The following SND1 variants were observed in gnomAD, a reference collection of about 807,000 sequenced individuals.
SND1 encodes the protein staphylococcal nuclease domain-containing protein 1.
Under a neutral mutation model 121.7 loss-of-function variants are expected in SND1, and 38 were observed. The ratio of observed to expected loss-of-function variants is 0.31; its 90% CI spans 0.24 to 0.41. The LOEUF is 0.41. Among genes scored for constraint, SND1 ranks in the 10% least tolerant of loss-of-function variants. The pLI is 1.00. For missense variants in SND1, 868 were observed against 1,184.6 expected, an observed-to-expected ratio of 0.73 and a Z score of 3.92; for synonymous variants, 401 against 447.4, an observed-to-expected ratio of 0.90 and a Z score of 1.31.
chr7:128,063,109 C>T (rs992315287), intron 16 of SND1, among the ~76,000 whole-genome samples: 1 of 152,184 alleles, frequency 6.6e-6, no homozygotes, highest in East Asian at 1.9e-4. Context: ...TGCTCAACGT[C>T]GTTAGCTCAT....
At chr7:127,995,014 C>T (rs982113246) in intron 16 of SND1, among the ~76,000 whole-genome samples, 3 of 152,108 alleles carry the variant, frequency 2.0e-5, no homozygotes, top group Non-Finnish European at 2.9e-5. Flanking sequence ...GAGCCAACCG[C>T]GCCTGGCCTG....
chr7:127,977,201 T>A (rs1383898758), intron 15 of SND1, among the ~76,000 whole-genome samples: 1 of 152,202 alleles, frequency 6.6e-6, no homozygotes, highest in East Asian at 1.9e-4. Flanking sequence ...TTTAATTAAA[T>A]CAACTAGAAA....
intron 15 of SND1, among the ~76,000 whole-genome samples, chr7:127,980,934 A>G (rs1208169285): frequency 6.6e-6 from 1 of 152,228 alleles, no homozygotes; most frequent in African/African-American, 2.4e-5. Flanking sequence ...AAGACCAAGA[A>G]TAGGAACCTT....
chr7:127,861,744 T>A (rs983522842), intron 12 of SND1, among the ~76,000 whole-genome samples: 55 of 152,222 alleles, frequency 3.6e-4, no homozygotes, highest in African/African-American at 1.1e-3. Context: ...GTGCTGGGAT[T>A]ACAGGCGTGA....
chr7:127,962,719 CTA>C (rs1378598960), intron 15 of SND1, among the ~76,000 whole-genome samples: 5 of 152,202 alleles, frequency 3.3e-5, no homozygotes, highest in Non-Finnish European at 5.9e-5. Context: ...GCATTGAAAA[CTA>C]TCCGACTGTC....
At position 128,029,509 on chromosome 7, in the gene SND1, G is replaced by A. The variant is rs556055955; in HGVS notation, c.1779+38453G>A. On this transcript the variant is annotated intron_variant, in intron 16 of 23. Coordinates refer to ENST00000354725, the MANE Select transcript of SND1 (RefSeq NM_014390.4). This position sits in a 1 kb window ranked among gnomAD's most constrained non-coding sequence, Gnocchi z 4.2. ...AGCAACCACTTCACGGAGGACATAG[G>A]GGGAGTCCGACACTTAAGTTCTGCC... 13 of 1,613,986 alleles carry A rather than the reference G, an allele frequency of 8.1e-6. No individual in the cohort carries two copies. In the Admixed American group the frequency reaches 2.0e-4, roughly 25 times the overall value.
intron 12 of SND1, among the ~76,000 whole-genome samples, chr7:127,846,913 G>C (rs1799074505): frequency 1.3e-5 from 2 of 151,748 alleles, no homozygotes; most frequent in Admixed American, 1.3e-4. Context: ...GCTTCTGTTT[G>C]TTTTCCTTTT....
At position 127,887,965 on chromosome 7, in the gene SND1, T is replaced by C; in HGVS notation, c.1407T>C (p.Asp469=). ...CAGTGATCAGATACCGGCAGGATGATGACCAGAGATCATCACACTACGATG... is the reference window on the plus strand; with the variant it reads ...CAGTGATCAGATACCGGCAGGATGACGACCAGAGATCATCACACTACGATG... ...LATVIRYRQD[D]DQRSSHYDEL... is the part of the protein sequence containing the mutation. The change falls in exon 13 of 24, where the codon GAT becomes GAC. Residue 469 remains aspartate (D), a synonymous_variant. Coordinates refer to ENST00000354725, the MANE Select transcript of SND1 (RefSeq NM_014390.4). 1 of 1,612,388 alleles carries C rather than the reference T, an allele frequency of 6.2e-7. No homozygotes were observed. Among genetic ancestry groups the C allele is most frequent in the Non-Finnish European group, 8.5e-7 (1 of 1,178,968 alleles).
chr7:127,705,582 C>CAGATGTAGATGTAGATGTAGATGT (rs869192058), intron 8 of SND1, among the ~76,000 whole-genome samples: 1 of 18,446 alleles, frequency 5.4e-5, no homozygotes, highest in African/African-American at 8.5e-5. Context: ...GATGTAGATG[C>CAGATGTAGATGTAGATGTAGATGT]AGATGTAGAT....
At chr7:127,727,451 C>A (rs540983027) in intron 10 of SND1, among the ~76,000 whole-genome samples, 3 of 152,202 alleles carry the variant, frequency 2.0e-5, no homozygotes, top group Non-Finnish European at 4.4e-5. Context: ...AATGACTGGT[C>A]CCTCTGGACC....
At position 127,997,353 on chromosome 7, in the gene SND1, A is replaced by C. The variant is rs545387860; in HGVS notation, c.1779+6297A>C. 2.5e-5 allele frequency: 5 copies of C among 201,868 alleles called. No homozygotes were observed. In the South Asian group the frequency reaches 4.5e-4, roughly 18 times the overall value. 12.5% of individuals were successfully genotyped at this position (201,868 alleles called of 1,614,324 possible). A position where few individuals can be genotyped will look rare whatever the true frequency, so the allele number is the denominator to read the frequency against. On this transcript the variant is annotated intron_variant, in intron 16 of 23. Coordinates refer to ENST00000354725, the MANE Select transcript of SND1 (RefSeq NM_014390.4). ...TTCCCTGAAGGTCCCACATTGACTA[A>C]GAGTCAGTCTTCTATAGGGCATGGA...
chr7:127,814,135 T>C (rs558639550), intron 11 of SND1, among the ~76,000 whole-genome samples: 40 of 152,322 alleles, frequency 2.6e-4, no homozygotes, highest in Admixed American at 2.1e-3. Flanking sequence ...ATTTATAACA[T>C]GATTTGTGGT....
chr7:127,711,739 G>T (rs1796301854), intron 9 of SND1, among the ~76,000 whole-genome samples: 1 of 151,602 alleles, frequency 6.6e-6, no homozygotes, highest in African/African-American at 2.4e-5. Flanking sequence ...TCATCTTCCA[G>T]TTTTTTTCTC....
chr7:127,761,419 T>TG (rs992401751), intron 10 of SND1, among the ~76,000 whole-genome samples: 25 of 152,308 alleles, frequency 1.6e-4, no homozygotes, highest in African/African-American at 6.0e-4. Context: ...TCAAGTATAT[T>TG]GGGGTATTTT....
Position 128,050,226 on chromosome 7 carries a change from G to A in SND1, c.1780-24276G>A, listed in dbSNP as rs145991093. Reference sequence around the variant, plus strand: ...ATGTGGATGGTTTTTCTGTTTGAACGCCTCTATGGAGGCATTTGCAAAAGT... The same window carrying A: ...ATGTGGATGGTTTTTCTGTTTGAACACCTCTATGGAGGCATTTGCAAAAGT... On this transcript the variant is annotated intron_variant, in intron 16 of 23. Coordinates refer to ENST00000354725, the MANE Select transcript of SND1 (RefSeq NM_014390.4). Among the ~76,000 whole-genome samples the A allele has an allele frequency of 9.9e-5, 15 of 152,206 alleles. No individual in the cohort carries two copies. The South Asian group carries it at 2.5e-3, about 25-fold the overall frequency.
intron 16 of SND1, among the ~76,000 whole-genome samples, chr7:128,071,712 C>A (rs537875095): frequency 2.0e-5 from 3 of 152,328 alleles, no homozygotes; most frequent in Admixed American, 2.0e-4. Context: ...AGGAGAGACA[C>A]CGCATGGGGT....
intron 12 of SND1, chr7:127,858,250 C>A: frequency 1.3e-6 from 1 of 772,044 alleles, no homozygotes. Context: ...GGGCCACCAT[C>A]TGGTCGGCCA....
chr7:127,765,302 A>G (rs2116485395), intron 10 of SND1, among the ~76,000 whole-genome samples: 1 of 152,372 alleles, frequency 6.6e-6, no homozygotes, highest in Non-Finnish European at 1.5e-5. Context: ...CATTTAAAAA[A>G]AATGAACCTG....
Position 127,652,358 on chromosome 7 carries a change from C to T in SND1, c.-16C>T, listed in dbSNP as rs776288485. ...TCCGGCCAGCCGCTCCACTCGTTGCCTTTGCATCTCCACACATGGCGTCCT... is the reference window on the plus strand; with the variant it reads ...TCCGGCCAGCCGCTCCACTCGTTGCTTTTGCATCTCCACACATGGCGTCCT... On this transcript the variant is annotated 5_prime_UTR_variant, in exon 1 of 24. Coordinates refer to ENST00000354725, the MANE Select transcript of SND1 (RefSeq NM_014390.4). 3.8e-6 allele frequency: 6 copies of T among 1,571,324 alleles called. No individual in the cohort carries two copies. In the African/African-American group the frequency reaches 8.0e-5, roughly 21 times the overall value.
Sources: allele counts gnomAD v4.1 joint callset (sites outside exome capture counted in the v4.1 genomes callset), GRCh38; gene constraint gnomAD v4.1.1; non-coding constraint Gnocchi (gnomAD v3.1); transcripts MANE v1.5; gene names NCBI Gene and HGNC (gene_info 2026-07-23, HGNC 2026-07-21).